CCSER1: variants seen among roughly 807,000 people sequenced by gnomAD.
The protein encoded by CCSER1 is serine-rich coiled-coil domain-containing protein 1.
Under a neutral mutation model 82.0 loss-of-function variants are expected in CCSER1, and 41 were observed. That is an observed-to-expected ratio of 0.50 (90% CI 0.39 to 0.65). CCSER1 has a LOEUF of 0.65. CCSER1 is among the 30% of genes least tolerant of loss of function. The pLI is 0.00. For synonymous variants in CCSER1, 414 were observed against 383.9 expected, an observed-to-expected ratio of 1.08 and a Z score of -0.92; for missense variants, 1,119 against 1,064.2, an observed-to-expected ratio of 1.05 and a Z score of -0.72.
At chr4:90,657,742 A>C (rs1729972947) in intron 6 of CCSER1, among the ~76,000 whole-genome samples, 1 of 152,186 alleles carries the variant, frequency 6.6e-6, no homozygotes, top group Non-Finnish European at 1.5e-5. Context: ...TTCTCTGCTG[A>C]AATTTTTCAT....
At chr4:90,515,491 T>C (rs1271824158) in intron 5 of CCSER1, among the ~76,000 whole-genome samples, 2 of 152,230 alleles carry the variant, frequency 1.3e-5, no homozygotes, top group Non-Finnish European at 2.9e-5. Context: ...CCTAGTGATA[T>C]TGAAATTATT....
chr4:90,196,443 A>G (rs1451592942), intron 1 of CCSER1, among the ~76,000 whole-genome samples: 1 of 151,950 alleles, frequency 6.6e-6, no homozygotes, highest in Non-Finnish European at 1.5e-5. Context: ...GCCCAGTGTC[A>G]TACCCGCTTC....
chr4:90,480,459 A>G (rs1470255539), intron 5 of CCSER1, among the ~76,000 whole-genome samples: 1 of 152,036 alleles, frequency 6.6e-6, no homozygotes, highest in Non-Finnish European at 1.5e-5. Flanking sequence ...GCCCATGCCT[A>G]CATCCTGAAT....
chr4:91,430,177 AT>A (rs1347744000), intron 10 of CCSER1, among the ~76,000 whole-genome samples: 1 of 152,104 alleles, frequency 6.6e-6, no homozygotes, highest in Non-Finnish European at 1.5e-5. Flanking sequence ...TTCACATAAA[AT>A]TATATACAAT....
At chr4:90,220,072 G>C (rs986342059) in intron 1 of CCSER1, among the ~76,000 whole-genome samples, 2 of 152,126 alleles carry the variant, frequency 1.3e-5, no homozygotes, top group Non-Finnish European at 2.9e-5. Flanking sequence ...ACAATAAGAT[G>C]CCTTGAGAGA....
intron 6 of CCSER1, among the ~76,000 whole-genome samples, chr4:90,629,263 T>C (rs184611125): frequency 4.2e-4 from 64 of 152,242 alleles, no homozygotes; most frequent in Non-Finnish European, 6.9e-4. Context: ...TAATGTGTTC[T>C]CATCAGCTGT....
intron 10 of CCSER1, among the ~76,000 whole-genome samples, chr4:91,283,151 A>C (rs1373783955): frequency 6.6e-6 from 1 of 152,106 alleles, no homozygotes; most frequent in Non-Finnish European, 1.5e-5. Context: ...CTAGGAATAA[A>C]AATATATAAT....
In CCSER1 at chr4:91,481,062, T is replaced by TTCGCC. The variant is rs1757882475; in HGVS notation, c.2218-117508_2218-117507insGCCTC. On this transcript the variant is annotated intron_variant, in intron 10 of 10. Transcript: ENST00000509176. ...CTCCCCTCCCCACCCCTGCCCTCCC[T>TTCGCC]TCCCCTCCCCTCCCCACCCCTGCCT... 7.1e-5 allele frequency among the ~76,000 whole-genome samples: 3 copies of TTCGCC among 42,090 alleles called. No homozygotes were observed. In the Admixed American group the frequency reaches 9.9e-4, roughly 14 times the overall value. The allele number at this position is 42,090 out of a possible 152,430, so 27.6% of individuals were successfully genotyped here. A position where few individuals can be genotyped will look rare whatever the true frequency, so the allele number is the denominator to read the frequency against.
chr4:90,183,806 A>T (rs1203885891), intron 1 of CCSER1, among the ~76,000 whole-genome samples: 2 of 152,116 alleles, frequency 1.3e-5, no homozygotes, highest in African/African-American at 4.8e-5. Context: ...TATTTGAAGG[A>T]TATTTTCCCA....
intron 10 of CCSER1, among the ~76,000 whole-genome samples, chr4:91,474,682 G>A (rs908918850): frequency 4.0e-5 from 6 of 150,140 alleles, no homozygotes; most frequent in Admixed American, 1.3e-4. Flanking sequence ...TTTCTTCACA[G>A]CATCCTTTTC....
At chr4:90,923,803 A>G (rs1255540463) in intron 9 of CCSER1, among the ~76,000 whole-genome samples, 1 of 152,242 alleles carries the variant, frequency 6.6e-6, no homozygotes. Flanking sequence ...TATGTTTGTA[A>G]TCACCAAAGG....
intron 3 of CCSER1, among the ~76,000 whole-genome samples, chr4:90,332,360 C>T (rs1329895054): frequency 6.6e-6 from 1 of 151,950 alleles, no homozygotes; most frequent in Non-Finnish European, 1.5e-5. Context: ...CCTCAGCCTC[C>T]CACGTAGCTG....
At chr4:91,397,153 T>C (rs1484108084) in intron 10 of CCSER1, among the ~76,000 whole-genome samples, 1 of 152,078 alleles carries the variant, frequency 6.6e-6, no homozygotes, top group Non-Finnish European at 1.5e-5. Context: ...TTGTCATTGA[T>C]TTCTTCTTAG....
At chr4:91,483,804 C>A (rs1232513658) in intron 10 of CCSER1, among the ~76,000 whole-genome samples, 1 of 152,030 alleles carries the variant, frequency 6.6e-6, no homozygotes, top group African/African-American at 2.4e-5. Flanking sequence ...TTCTGAAATT[C>A]AATTTCTCAT....
intron 10 of CCSER1, among the ~76,000 whole-genome samples, chr4:91,219,025 G>A (rs2149096786): frequency 6.6e-6 from 1 of 152,268 alleles, no homozygotes; most frequent in South Asian, 2.1e-4. Flanking sequence ...GAGGGAGAAA[G>A]AGTTCCAATA....
chr4:90,964,936 C>T (rs753909682), intron 9 of CCSER1, among the ~76,000 whole-genome samples: 4 of 152,016 alleles, frequency 2.6e-5, no homozygotes, highest in Middle Eastern at 3.4e-3. Flanking sequence ...CCTTGCTATC[C>T]GGTGACCTTG....
intron 5 of CCSER1, among the ~76,000 whole-genome samples, chr4:90,614,021 T>C (rs1198811586): frequency 6.6e-6 from 1 of 152,162 alleles, no homozygotes; most frequent in Non-Finnish European, 1.5e-5. Flanking sequence ...AGGTTTTTGG[T>C]AATCGTCTGT....
intron 10 of CCSER1, among the ~76,000 whole-genome samples, chr4:91,320,916 G>A (rs1746149205): frequency 6.6e-6 from 1 of 152,006 alleles, no homozygotes; most frequent in African/African-American, 2.4e-5. Flanking sequence ...GAAAGTGAAT[G>A]ATTGAATTGT....
At chr4:90,135,613 A>G (rs1344746550) in intron 1 of CCSER1, among the ~76,000 whole-genome samples, 21 of 152,188 alleles carry the variant, frequency 1.4e-4, no homozygotes, top group Admixed American at 1.4e-3. Context: ...GACTTTTTCT[A>G]AGTATTTACA....
Sources: allele counts gnomAD v4.1 joint callset (sites outside exome capture counted in the v4.1 genomes callset), GRCh38; gene constraint gnomAD v4.1.1; transcripts MANE v1.5; gene names NCBI Gene and HGNC (gene_info 2026-07-23, HGNC 2026-07-21).